ASB1: variants seen among roughly 807,000 people sequenced by gnomAD.
ASB1 encodes the protein ankyrin repeat and SOCS box containing 1.
Under a neutral mutation model 27.7 loss-of-function variants are expected in ASB1, and 18 were observed. The observed-to-expected ratio is 0.65, with a 90% CI of 0.45 to 0.96. The LOEUF is 0.96. ASB1 is among the 50% of genes least tolerant of loss of function. The probability of loss-of-function intolerance (pLI) is 0.00; values close to 1 mark genes in which losing one functional copy is unlikely to be tolerated. For synonymous variants in ASB1, 189 were observed against 187.6 expected, an observed-to-expected ratio of 1.01 and a Z score of -0.06; for missense variants, 397 against 451.7, an observed-to-expected ratio of 0.88 and a Z score of 1.10.
intron 3 of ASB1, among the ~76,000 whole-genome samples, chr2:238,439,179 CTG>C (rs1424835979): frequency 1.3e-5 from 2 of 152,082 alleles, no homozygotes; most frequent in African/African-American, 2.4e-5. Flanking sequence ...CTTGTTGGCT[CTG>C]TGTGTTTTAG....
chr2:238,440,503 C>T (rs1702058587), intron 3 of ASB1, among the ~76,000 whole-genome samples: 1 of 152,164 alleles, frequency 6.6e-6, no homozygotes, highest in Admixed American at 6.5e-5. Flanking sequence ...TCCTGTTGTC[C>T]CCTGTGTGGC....
At position 238,444,456 on chromosome 2, in the gene ASB1, C is replaced by G; in HGVS notation, c.609C>G (p.His203Gln). 1 of 1,614,240 alleles carries G rather than the reference C, an allele frequency of 6.2e-7. No homozygotes were observed. Among genetic ancestry groups the G allele is most frequent in the Non-Finnish European group, 8.5e-7 (1 of 1,180,046 alleles). The change falls in exon 4 of 5, where the codon CAC becomes CAG. Residue 203 changes from histidine to glutamine, a missense_variant. By Grantham distance (24) the His-to-Gln change is conservative. Coordinates refer to ENST00000264607, the MANE Select transcript of ASB1 (RefSeq NM_001040445.3). ...VCPLYISAAY[H>Q]NLQCFRLLLL... ...CCTTGTACATCAGCGCAGCCTACCACAACCTCCAGTGCTTCCGGCTGCTCC... is the reference window on the plus strand; with the variant it reads ...CCTTGTACATCAGCGCAGCCTACCAGAACCTCCAGTGCTTCCGGCTGCTCC...
At chr2:238,439,170 T>C (rs1702030846) in intron 3 of ASB1, among the ~76,000 whole-genome samples, 2 of 152,234 alleles carry the variant, frequency 1.3e-5, no homozygotes, top group African/African-American at 4.8e-5. Context: ...TATCAATTTC[T>C]TGTTGGCTCT....
chr2:238,428,563 C>T (rs1330133910), intron 1 of ASB1, among the ~76,000 whole-genome samples: 2 of 152,220 alleles, frequency 1.3e-5, no homozygotes, highest in South Asian at 2.1e-4. Flanking sequence ...TCCCAAAGTG[C>T]TGGGATTACA....
chr2:238,430,721 G>A (rs1413684532), intron 1 of ASB1, among the ~76,000 whole-genome samples: 1 of 152,248 alleles, frequency 6.6e-6, no homozygotes, highest in Non-Finnish European at 1.5e-5. Flanking sequence ...GTGAAAGTCA[G>A]AATGACTCCT....
intron 4 of ASB1, among the ~76,000 whole-genome samples, chr2:238,444,979 CTTTTTTTTTTT>C (rs34563680): frequency 1.7e-5 from 2 of 117,890 alleles, no homozygotes; most frequent in Admixed American, 9.3e-5. Context: ...CTCGCGCTCT[CTTTTTTTTTTT>C]TTTTTTTTTG....
At chr2:238,440,892 C>T (rs1417266650) in intron 3 of ASB1, among the ~76,000 whole-genome samples, 1 of 152,136 alleles carries the variant, frequency 6.6e-6, no homozygotes, top group Admixed American at 6.5e-5. Context: ...GGAGGGGCGG[C>T]CTAGGGGTTA....
At chr2:238,428,348 T>C (rs1288143655) in intron 1 of ASB1, among the ~76,000 whole-genome samples, 2 of 152,190 alleles carry the variant, frequency 1.3e-5, no homozygotes, top group Non-Finnish European at 2.9e-5. Context: ...TGGAGTGCAG[T>C]GGCGTGATCT....
rs1701964936 is a variant in ASB1 at position 238,436,009 on chromosome 2, A to T, written c.490A>T (p.Ile164Phe). 3 of 1,610,804 alleles carry T rather than the reference A, an allele frequency of 1.9e-6. No homozygotes were observed. The highest frequency in any genetic ancestry group is 2.5e-6 in the Non-Finnish European group (3 of 1,178,958). ...VGRADILKAL[I>F]RYGADVDVNH... ...CCGGGCAGACATCCTGAAGGCCCTCATCAGGCCAGTACTGTGGAGCTCGCC... is the reference window on the plus strand; with the variant it reads ...CCGGGCAGACATCCTGAAGGCCCTCTTCAGGCCAGTACTGTGGAGCTCGCC... Residue 164 changes from isoleucine to phenylalanine, a missense_variant, in exon 3 of 5, where the codon ATC becomes TTC. Transcript: ENST00000264607.
chr2:238,436,019 T>C lies in ASB1; in HGVS notation c.494+6T>C. The C allele has an allele frequency of 6.3e-7, 1 of 1,585,422 alleles. No individual in the cohort carries two copies. Among genetic ancestry groups the C allele is most frequent in the South Asian group, 1.1e-5 (1 of 88,304 alleles). On this transcript the variant is annotated splice_donor_region_variant and intron_variant, in intron 3 of 4. Coordinates refer to ENST00000264607, the MANE Select transcript of ASB1 (RefSeq NM_001040445.3). ...ATCCTGAAGGCCCTCATCAGGCCAGTACTGTGGAGCTCGCCTGGCTCCTGC... is the reference window on the plus strand; with the variant it reads ...ATCCTGAAGGCCCTCATCAGGCCAGCACTGTGGAGCTCGCCTGGCTCCTGC...
chr2:238,445,260 C>T (rs1009770350), intron 4 of ASB1, among the ~76,000 whole-genome samples: 46 of 152,124 alleles, frequency 3.0e-4, no homozygotes, highest in Admixed American at 2.7e-3. Context: ...ATTACAGGCA[C>T]GAGCCACTGC....
chr2:238,429,758 C>T (rs1438083495), intron 1 of ASB1, among the ~76,000 whole-genome samples: 1 of 152,022 alleles, frequency 6.6e-6, no homozygotes, highest in Non-Finnish European at 1.5e-5. Flanking sequence ...TGGTGAAACC[C>T]CTTCTCTACT....
intron 3 of ASB1, among the ~76,000 whole-genome samples, chr2:238,440,613 C>T (rs1327611443): frequency 1.3e-5 from 2 of 152,196 alleles, no homozygotes; most frequent in African/African-American, 4.8e-5. Flanking sequence ...CTTGTCAGGA[C>T]TCTGACTCTG....
In ASB1 at chr2:238,444,318, T is replaced by C; in HGVS notation, c.495-24T>C. 2 of 1,583,158 alleles carry C rather than the reference T, an allele frequency of 1.3e-6. 1 individual carries two copies. Among genetic ancestry groups the C allele is most frequent in the South Asian group, 2.3e-5 (2 of 86,622 alleles). ...GCTGTGGTCAGTCCCCTGCACAGTCTGACTTTCCCTTTCTTCCCTGCAGGT... is the reference window on the plus strand; with the variant it reads ...GCTGTGGTCAGTCCCCTGCACAGTCCGACTTTCCCTTTCTTCCCTGCAGGT... On this transcript the variant is annotated intron_variant, in intron 3 of 4. Transcript: ENST00000264607.
intron 3 of ASB1, among the ~76,000 whole-genome samples, chr2:238,442,407 C>T (rs949656119): frequency 1.9e-4 from 29 of 152,266 alleles, no homozygotes; most frequent in African/African-American, 6.3e-4. Context: ...CCACCACGCC[C>T]CGCCCCATCT....
At chr2:238,436,267 A>C (rs1701969484) in intron 3 of ASB1, among the ~76,000 whole-genome samples, 1 of 151,344 alleles carries the variant, frequency 6.6e-6, no homozygotes, top group African/African-American at 2.4e-5. Context: ...ATTTTTTCTT[A>C]AGAATGCAAA....
At chr2:238,428,978 A>C (rs1701814814) in intron 1 of ASB1, among the ~76,000 whole-genome samples, 2 of 152,170 alleles carry the variant, frequency 1.3e-5, no homozygotes, top group South Asian at 4.2e-4. Context: ...ATTACAGGGG[A>C]GGATAGTTAC....
chr2:238,433,436 GA>G (rs1480797724), intron 1 of ASB1, 117 bp from the exon 2 acceptor site: 2 of 1,230,550 alleles, frequency 1.6e-6, no homozygotes, highest in Admixed American at 2.4e-5. Flanking sequence ...TTTATTTCTT[GA>G]GCATTTGAAG....
chr2:238,444,840 A>G lies in ASB1; in HGVS notation c.880+113A>G, dbSNP rs575569269. On this transcript the variant is annotated intron_variant, in intron 4 of 4. Transcript: ENST00000264607. Reference sequence around the variant, plus strand: ...ACCTGAGCACTTGGCCAAAATCTTCAGTTAGAACTCGCAGTTTTCCAGATG... The same window carrying G: ...ACCTGAGCACTTGGCCAAAATCTTCGGTTAGAACTCGCAGTTTTCCAGATG... 4.1e-6 allele frequency: 5 copies of G among 1,211,388 alleles called. No homozygotes were observed. The East Asian group carries it at 1.0e-4, about 24-fold the overall frequency. The allele number at this position is 1,211,388 out of a possible 1,614,324, so 75.0% of individuals were successfully genotyped here.
Sources: gnomAD v4.1 joint callset for allele counts (sites outside exome capture counted in the v4.1 genomes callset) on GRCh38, gnomAD v4.1.1 for gene constraint, MANE v1.5 for transcripts, NCBI Gene and HGNC (gene_info 2026-07-23, HGNC 2026-07-21) for gene names.